Variants in SWAP70 observed in about 807,000 individuals in gnomAD.
SWAP70 encodes the protein switching B cell complex subunit SWAP70, also known as switch-associated protein 70.
A neutral mutation model predicts 80.2 loss-of-function variants in SWAP70; 34 were observed. That is an observed-to-expected ratio of 0.42 (90% CI 0.32 to 0.56). The LOEUF is 0.56. Ranked by LOEUF, SWAP70 falls within the 20% of genes least tolerant of loss-of-function variation. SWAP70 has a pLI of 0.09. For missense variants in SWAP70, 578 were observed against 690.7 expected (o/e 0.84, Z 1.83); for synonymous variants, 239 against 238.5 (o/e 1.00, Z -0.02).
At chr11:9,708,689 T>C (rs1850954970) in intron 2 of SWAP70, among the ~76,000 whole-genome samples, 1 of 152,202 alleles carries the variant, frequency 6.6e-6, no homozygotes, top group South Asian at 2.1e-4. Flanking sequence ...TAGAATCACT[T>C]CTTGTTCTCA....
At chr11:9,723,905 T>G (rs992767960) in intron 3 of SWAP70, among the ~76,000 whole-genome samples, 12 of 152,082 alleles carry the variant, frequency 7.9e-5, no homozygotes, top group Non-Finnish European at 1.8e-4. Context: ...CCTGAGTAGC[T>G]GGGATTACAG....
chr11:9,743,930 C>T (rs1302904051), intron 9 of SWAP70, among the ~76,000 whole-genome samples: 1 of 150,972 alleles, frequency 6.6e-6, no homozygotes, highest in Non-Finnish European at 1.5e-5. Flanking sequence ...AAATGAAAGA[C>T]AAGAACTTTA....
At chr11:9,714,851 T>C in intron 3 of SWAP70, among the ~76,000 whole-genome samples, 1 of 150,258 alleles carries the variant, frequency 6.7e-6, no homozygotes, top group Admixed American at 6.7e-5. Context: ...TCGCTCTTAT[T>C]GCCCAGGCTG....
rs1246794011 is a variant in SWAP70 at position 9,671,082 on chromosome 11, AATATAAATAT to A, written c.99+6818_99+6827del. 2.2e-4 allele frequency among the ~76,000 whole-genome samples: 32 copies of A among 142,546 alleles called. No individual in the cohort carries two copies. In the East Asian group the frequency reaches 5.7e-3, roughly 25 times the overall value. 93.5% of individuals were successfully genotyped at this position (142,546 alleles called of 152,430 possible). A position where few individuals can be genotyped will look rare whatever the true frequency, so the allele number is the denominator to read the frequency against. On this transcript the variant is annotated intron_variant, in intron 1 of 11. Coordinates refer to ENST00000318950, the MANE Select transcript of SWAP70 (RefSeq NM_015055.4). ...ATTGTTTTTTATATATACAAATATAAATATAAATATATATAAATATATAAATATAAAAATA... is the reference window on the plus strand; with the variant it reads ...ATTGTTTTTTATATATACAAATATAAATATAAATATATAAATATAAAAATA...
At chr11:9,703,422 G>A (rs923028427) in intron 2 of SWAP70, 3 of 456,164 alleles carry the variant, frequency 6.6e-6, no homozygotes, top group African/African-American at 2.0e-5. Context: ...CTGCCTCAGA[G>A]CCTTCAGACA....
intron 9 of SWAP70, among the ~76,000 whole-genome samples, chr11:9,743,197 A>G (rs958401520): frequency 1.3e-5 from 2 of 148,176 alleles, no homozygotes; most frequent in Non-Finnish European, 3.0e-5. Context: ...ATGATTTCCA[A>G]TTTCATCCAT....
chr11:9,672,197 A>ATGTATATATATATATG (rs1313986042), intron 1 of SWAP70, among the ~76,000 whole-genome samples: 1 of 112,172 alleles, frequency 8.9e-6, no homozygotes, highest in Non-Finnish European at 1.8e-5. Context: ...GTGTGTGTCT[A>ATGTATATATATATATG]TATATATATA....
chr11:9,712,574 A>C (rs1433001185), intron 2 of SWAP70, among the ~76,000 whole-genome samples: 1 of 152,144 alleles, frequency 6.6e-6, no homozygotes, highest in East Asian at 1.9e-4. Flanking sequence ...ATAAAAACAA[A>C]AAATAGGCCA....
chr11:9,741,875 T>C (rs1364702016), intron 9 of SWAP70: 2 of 142,536 alleles, frequency 1.4e-5, no homozygotes, highest in Non-Finnish European at 3.0e-5. Context: ...AGGCCGAGGC[T>C]GGAGGATCAC....
At chr11:9,680,362 A>C (rs1176319469) in intron 1 of SWAP70, among the ~76,000 whole-genome samples, 2 of 152,226 alleles carry the variant, frequency 1.3e-5, no homozygotes, top group Non-Finnish European at 2.9e-5. Flanking sequence ...TAAGTATAAA[A>C]TATGCATTGG....
intron 1 of SWAP70, among the ~76,000 whole-genome samples, chr11:9,671,431 T>C (rs1365222478): frequency 1.0e-5 from 1 of 97,932 alleles, no homozygotes; most frequent in Admixed American, 1.5e-4. Flanking sequence ...AATATATATA[T>C]AAATATATAA....
At position 9,727,409 on chromosome 11, in the gene SWAP70, G is replaced by A. The variant is rs140603060; in HGVS notation, c.643-644G>A. ...CCTAAAAAAAAATTTTTTTTTTGTAGAAATGAAGTCTCACTATGTTGCCCA... is the reference window on the plus strand; with the variant it reads ...CCTAAAAAAAAATTTTTTTTTTGTAAAAATGAAGTCTCACTATGTTGCCCA... On this transcript the variant is annotated intron_variant, in intron 4 of 11. Coordinates refer to ENST00000318950, the MANE Select transcript of SWAP70 (RefSeq NM_015055.4). 9.0e-3 allele frequency among the ~76,000 whole-genome samples: 1,365 copies of A among 152,040 alleles called. 9 individuals are homozygous for A. Among genetic ancestry groups the A allele is most frequent in the African/African-American group, 0.015 (632 of 41,500 alleles).
In SWAP70 at chr11:9,664,104, C is replaced by A; in HGVS notation, c.-76C>A. 4 of 1,375,676 alleles carry A rather than the reference C, an allele frequency of 2.9e-6. No homozygotes were observed. The highest frequency in any genetic ancestry group is 2.5e-4 in the Middle Eastern group (1 of 3,994). The allele number at this position is 1,375,676 out of a possible 1,614,324, so 85.2% of individuals were successfully genotyped here. A position where few individuals can be genotyped will look rare whatever the true frequency, so the allele number is the denominator to read the frequency against. On this transcript the variant is annotated 5_prime_UTR_variant, in exon 1 of 12. Coordinates refer to ENST00000318950, the MANE Select transcript of SWAP70 (RefSeq NM_015055.4). ...GTGACTGCGCGGCGGGCTGTGGCTG[C>A]GGAGGTTGAGGGGCGTCCGAGGCGC...
chr11:9,668,658 C>T (rs1410949682), intron 1 of SWAP70, among the ~76,000 whole-genome samples: 3 of 152,112 alleles, frequency 2.0e-5, no homozygotes, highest in Non-Finnish European at 4.4e-5. Flanking sequence ...TATTTTTAGG[C>T]TCTTAAGAGT....
At chr11:9,706,312 C>A (rs1478509570) in intron 2 of SWAP70, among the ~76,000 whole-genome samples, 3 of 146,628 alleles carry the variant, frequency 2.0e-5, no homozygotes, top group African/African-American at 7.7e-5. Context: ...CACTGGTGAT[C>A]TGTATACACT....
chr11:9,676,303 G>A (rs1457944849), intron 1 of SWAP70, among the ~76,000 whole-genome samples: 1 of 152,192 alleles, frequency 6.6e-6, no homozygotes, highest in Non-Finnish European at 1.5e-5. Flanking sequence ...AGGTAGCTGA[G>A]TAAATGTAGT....
intron 1 of SWAP70, among the ~76,000 whole-genome samples, chr11:9,671,898 ATTAT>A (rs1399540892): frequency 9.2e-6 from 1 of 108,824 alleles, no homozygotes; most frequent in Non-Finnish European, 1.7e-5. Flanking sequence ...ATTTAATTTA[ATTAT>A]TAAATATAAT....
intron 3 of SWAP70, among the ~76,000 whole-genome samples, chr11:9,719,445 G>A (rs1200690340): frequency 2.0e-5 from 3 of 152,162 alleles, no homozygotes; most frequent in Non-Finnish European, 4.4e-5. Flanking sequence ...CTATATGGGA[G>A]GTTGAGGCAA....
rs201571532 is a variant in SWAP70, at chr11:9,732,514, C to G, written c.899-15C>G. 3.1e-5 allele frequency: 50 copies of G among 1,591,432 alleles called. No homozygotes were observed. The Middle Eastern group carries it at 1.2e-3, about 37-fold the overall frequency. ...ATATCTCCCCATTTTTTTTTTCCTC[C>G]TACACCTTTTACAGCCATTCATTCT... On this transcript the variant is annotated splice_polypyrimidine_tract_variant and intron_variant, in intron 6 of 11. Transcript: ENST00000318950.
Sources: allele counts gnomAD v4.1 joint callset (sites outside exome capture counted in the v4.1 genomes callset), GRCh38; gene constraint gnomAD v4.1.1; transcripts MANE v1.5; gene names NCBI Gene and HGNC (gene_info 2026-07-23, HGNC 2026-07-21).